The following TLE1 variants were observed in gnomAD, a reference collection of about 807,000 sequenced individuals.
TLE1 encodes the protein transducin-like enhancer protein 1.
Under a neutral mutation model 89.8 loss-of-function variants are expected in TLE1, and 21 were observed. The ratio of observed to expected loss-of-function variants is 0.23; its 90% CI spans 0.17 to 0.34. The LOEUF is 0.34. TLE1 is among the 10% of genes least tolerant of loss of function. The probability of loss-of-function intolerance (pLI) is 1.00; values close to 1 mark genes in which losing one functional copy is unlikely to be tolerated. For synonymous variants in TLE1, 447 were observed against 407.6 expected, an observed-to-expected ratio of 1.10 and a Z score of -1.16; for missense variants, 795 against 1,031.2, an observed-to-expected ratio of 0.77 and a Z score of 3.14.
At chr9:81,585,913 T>G (rs891993826) in intron 17 of TLE1, among the ~76,000 whole-genome samples, 1 of 152,152 alleles carries the variant, frequency 6.6e-6, no homozygotes, top group Non-Finnish European at 1.5e-5. Flanking sequence ...GGCATTCATC[T>G]GTACATTTTA....
intron 4 of TLE1, among the ~76,000 whole-genome samples, chr9:81,670,542 T>G (rs1832081984): frequency 6.6e-6 from 1 of 151,996 alleles, no homozygotes; most frequent in African/African-American, 2.4e-5. Flanking sequence ...GCCAGACTGG[T>G]CTCGAACTCC....
rs534217511 is a variant in TLE1 at position 81,597,531 on chromosome 9, C to A, written c.1332-4257G>T. ...GATGGACGTTTGGATAGAATCGTGG[C>A]AAACTGCAGGGCAGACAGTCAGTCC... On this transcript the variant is annotated intron_variant, in intron 14 of 19. Coordinates refer to ENST00000376499, the MANE Select transcript of TLE1 (RefSeq NM_005077.5). Among the ~76,000 whole-genome samples the A allele has an allele frequency of 3.3e-5, 5 of 152,236 alleles. No homozygotes were observed. The South Asian group carries it at 1.0e-3, about 32-fold the overall frequency.
At chr9:81,627,971 C>T (rs1355361352) in intron 8 of TLE1, among the ~76,000 whole-genome samples, 1 of 152,132 alleles carries the variant, frequency 6.6e-6, no homozygotes, top group Non-Finnish European at 1.5e-5. Context: ...GTAATCTCAG[C>T]ACTTTGGGAG....
chr9:81,615,081 C>CAAAAAAAAAAAAAAAAAAAAAA (rs34947337), intron 11 of TLE1, among the ~76,000 whole-genome samples: 1 of 25,094 alleles, frequency 4.0e-5, no homozygotes, highest in African/African-American at 1.6e-4. Context: ...GACTCCATCT[C>CAAAAAAAAAAAAAAAAAAAAAA]AAAAAAAAAA....
chr9:81,649,163 A>C (rs904777344), intron 6 of TLE1, among the ~76,000 whole-genome samples: 2 of 152,208 alleles, frequency 1.3e-5, no homozygotes, highest in Non-Finnish European at 2.9e-5. Context: ...TCAAATACCT[A>C]AGAAGCTTAT....
chr9:81,585,913 T>C lies in TLE1; in HGVS notation c.1978-258A>G, dbSNP rs891993826. Among the ~76,000 whole-genome samples, 3 of 152,152 alleles carry C rather than the reference T, an allele frequency of 2.0e-5. No individual in the cohort carries two copies. In the East Asian group the frequency reaches 5.8e-4, roughly 29 times the overall value. ...ATTCCTAATAATAATGGCATTCATC[T>C]GTACATTTTAAAGGAGGCTTTACCT... On this transcript the variant is annotated intron_variant, in intron 17 of 19. Coordinates refer to ENST00000376499, the MANE Select transcript of TLE1 (RefSeq NM_005077.5).
intron 12 of TLE1, among the ~76,000 whole-genome samples, chr9:81,613,176 T>C (rs1823942016): frequency 6.6e-6 from 1 of 152,184 alleles, no homozygotes; most frequent in Non-Finnish European, 1.5e-5. Flanking sequence ...ATGTAAACAG[T>C]TGGAGACTGA....
chr9:81,638,423 CT>C (rs1286013533), intron 6 of TLE1, among the ~76,000 whole-genome samples: 2 of 152,180 alleles, frequency 1.3e-5, no homozygotes, highest in African/African-American at 2.4e-5. Flanking sequence ...AAACAGCTAT[CT>C]CCAAAAGGAC....
At chr9:81,592,794 A>T (rs975878376) in intron 15 of TLE1, among the ~76,000 whole-genome samples, 6 of 152,320 alleles carry the variant, frequency 3.9e-5, no homozygotes, top group African/African-American at 1.4e-4. Context: ...AAACCACTGT[A>T]AAATATTTTT....
In TLE1 at chr9:81,688,325, A is replaced by T; in HGVS notation, c.-85T>A. 1 of 1,392,268 alleles carries T rather than the reference A, an allele frequency of 7.2e-7. No homozygotes were observed. Among genetic ancestry groups the T allele is most frequent in the Admixed American group, 3.4e-5 (1 of 29,196 alleles). The allele number at this position is 1,392,268 out of a possible 1,614,324, so 86.2% of individuals were successfully genotyped here. A position where few individuals can be genotyped will look rare whatever the true frequency, so the allele number is the denominator to read the frequency against. ...ACTTTAATCCCGCCGAGGAAAATTA[A>T]GCCGGAAAGCCAAGCAGAAGCGGGG... On this transcript the variant is annotated 5_prime_UTR_variant, in exon 1 of 20. Coordinates refer to ENST00000376499, the MANE Select transcript of TLE1 (RefSeq NM_005077.5).
At chr9:81,586,218 C>T (rs538090987) in intron 17 of TLE1, among the ~76,000 whole-genome samples, 136 of 152,172 alleles carry the variant, frequency 8.9e-4, no homozygotes, top group Non-Finnish European at 1.6e-3. Flanking sequence ...GGGGTTTCAC[C>T]GTGCCAGCCA....
At chr9:81,585,403 G>A (rs139834442) in intron 18 of TLE1, 102 bp downstream of exon 18, 20 of 1,422,540 alleles carry the variant, frequency 1.4e-5, no homozygotes, top group East Asian at 9.2e-5. Flanking sequence ...CCAGCTGCTC[G>A]GAGAACATTT....
intron 4 of TLE1, among the ~76,000 whole-genome samples, chr9:81,658,828 G>C (rs191254916): frequency 6.6e-6 from 1 of 152,062 alleles, no homozygotes; most frequent in African/African-American, 2.4e-5. Flanking sequence ...TTCAACAAAA[G>C]GGTATTCTGG....
At chr9:81,587,907 C>CGTGTGTGTGTGTGT (rs71496083) in intron 16 of TLE1, 79 bp from the exon 17 acceptor site, 5 of 753,854 alleles carry the variant, frequency 6.6e-6, no homozygotes, top group East Asian at 6.3e-5. Flanking sequence ...AGTTTTGGAC[C>CGTGTGTGTGTGTGT]GTGTGTGTGT....
intron 4 of TLE1, among the ~76,000 whole-genome samples, chr9:81,665,010 T>G (rs929683422): frequency 6.6e-6 from 1 of 152,190 alleles, no homozygotes; most frequent in Non-Finnish European, 1.5e-5. Context: ...TCTCTAATCT[T>G]CATGTGGACA....
chr9:81,609,020 A>T (rs1337368333), intron 14 of TLE1, among the ~76,000 whole-genome samples: 4 of 152,072 alleles, frequency 2.6e-5, no homozygotes, highest in Non-Finnish European at 5.9e-5. Context: ...TGCCTTAAAG[A>T]AAAAGAAAAA....
chr9:81,621,987 C>G (rs1426813154), intron 8 of TLE1, among the ~76,000 whole-genome samples: 1 of 152,164 alleles, frequency 6.6e-6, no homozygotes, highest in Non-Finnish European at 1.5e-5. Context: ...AATGTCTTTA[C>G]CACAGTGTTT....
chr9:81,618,948 C>T (rs1302495726), intron 9 of TLE1, among the ~76,000 whole-genome samples: 1 of 151,918 alleles, frequency 6.6e-6, no homozygotes, highest in Non-Finnish European at 1.5e-5. Flanking sequence ...AACATACTCT[C>T]CACACATGGT....
At chr9:81,657,166 A>C (rs2132695948) in intron 4 of TLE1, among the ~76,000 whole-genome samples, 1 of 152,252 alleles carries the variant, frequency 6.6e-6, no homozygotes, top group South Asian at 2.1e-4. Context: ...TTGTTGCTTA[A>C]TCATTTTTGT....
Sources: gnomAD v4.1 joint callset for allele counts (sites outside exome capture counted in the v4.1 genomes callset) on GRCh38, gnomAD v4.1.1 for gene constraint, MANE v1.5 for transcripts, NCBI Gene and HGNC (gene_info 2026-07-23, HGNC 2026-07-21) for gene names.